The following CRYBG1 variants were observed in gnomAD, a reference collection of about 807,000 sequenced individuals.
CRYBG1 encodes crystallin beta-gamma domain containing 1.
CRYBG1 carries 139 observed loss-of-function variants against 189.2 expected under a neutral mutation model. The ratio of observed to expected loss-of-function variants is 0.73; its 90% CI spans 0.64 to 0.85. The LOEUF (loss-of-function observed/expected upper bound fraction) is 0.85. Among genes scored for constraint, CRYBG1 ranks in the 40% least tolerant of loss-of-function variants. The probability of loss-of-function intolerance (pLI) is 0.00; values close to 1 mark genes in which losing one functional copy is unlikely to be tolerated. For missense variants in CRYBG1, 2,611 were observed against 2,675.8 expected, an observed-to-expected ratio of 0.98 and a Z score of 0.53; for synonymous variants, 1,023 against 1,017.1, an observed-to-expected ratio of 1.01 and a Z score of -0.11.
At chr6:106,363,752 A>C (rs1771925900) in intron 1 of CRYBG1, among the ~76,000 whole-genome samples, 2 of 152,312 alleles carry the variant, frequency 1.3e-5, no homozygotes, top group South Asian at 4.1e-4. Context: ...TGGGCAAGTT[A>C]TTTCACCTCT....
At chr6:106,362,888 T>C (rs1248369545) in intron 1 of CRYBG1, among the ~76,000 whole-genome samples, 1 of 152,120 alleles carries the variant, frequency 6.6e-6, no homozygotes, top group Non-Finnish European at 1.5e-5. Flanking sequence ...TTACTGTCTA[T>C]CAAAACATAA....
rs771487883 is a variant in CRYBG1, at chr6:106,511,543, C to T, written c.426C>T (p.Thr142=). The stretch of plus-strand genomic sequence containing the variant: ...GTAGAAACGGGTTAGAGAGTCCCAC[C>T]AGATCAAATGCCAAACCACTCTCTC... ...RNSRNGLESP[T]RSNAKPLSPK... Residue 142 remains threonine (T), a synonymous_variant, in exon 3 of 22, where the codon ACC becomes ACT. Coordinates refer to ENST00000633556, the MANE Select transcript of CRYBG1 (RefSeq NM_001371242.2). 47 of 1,535,650 alleles carry T rather than the reference C, an allele frequency of 3.1e-5. No homozygotes were observed. In the South Asian group the frequency reaches 5.5e-4, roughly 18 times the overall value.
intron 1 of CRYBG1, among the ~76,000 whole-genome samples, chr6:106,409,167 T>A (rs11758088): frequency 0.081 from 12,311 of 152,310 alleles, 638 homozygotes; most frequent in East Asian, 0.15. Context: ...ATAAACAACT[T>A]CAGCAAAGTC....
intron 3 of CRYBG1, among the ~76,000 whole-genome samples, chr6:106,517,369 T>TATATAC (rs201028837): frequency 8.5e-6 from 1 of 117,608 alleles, no homozygotes; most frequent in African/African-American, 3.0e-5. Context: ...TACACATATA[T>TATATAC]ACACACACAC....
chr6:106,553,503 G>A lies in CRYBG1; in HGVS notation c.5521G>A (p.Glu1841Lys). The change falls in exon 16 of 22, where the codon GAA (glutamate) becomes AAA (lysine). Residue 1841 changes from glutamate (E) to lysine (K), a missense_variant. This residue lies in a region of CRYBG1 where 1,622 missense variants were observed against 1,735.0 expected (regional missense o/e 0.93). Transcript: ENST00000633556. The stretch of plus-strand genomic sequence containing the variant: ...GTTTCAAGGTCACAGTCAAAGTTTT[G>A]AAGAAACAACAAGTCAAATTGATGA... Reference protein sequence around the residue: ...PQFQGHSQSFEETTSQIDDSF... With the variant: ...PQFQGHSQSFKETTSQIDDSF... 6.2e-7 allele frequency: 1 copy of A among 1,614,040 alleles called. No individual in the cohort carries two copies. Among genetic ancestry groups the A allele is most frequent in the Non-Finnish European group, 8.5e-7 (1 of 1,179,930 alleles).
chr6:106,379,283 A>G lies in CRYBG1; in HGVS notation c.173+18202A>G, dbSNP rs142444540. On this transcript the variant is annotated intron_variant, in intron 1 of 21. Coordinates refer to ENST00000633556, the MANE Select transcript of CRYBG1 (RefSeq NM_001371242.2). ...CTTTTCTTTTCTTTTTTTTTTCGAG[A>G]CAGAGTCTCTCTCTGTTGCCCAGGC... Among the ~76,000 whole-genome samples, 677 of 150,466 alleles carry G rather than the reference A, an allele frequency of 4.5e-3. 6 individuals are homozygous for G. The highest frequency in any genetic ancestry group is 0.016 in the African/African-American group (646 of 41,016).
chr6:106,567,942 CG>C (rs1399146136), intron 21 of CRYBG1, among the ~76,000 whole-genome samples: 1 of 152,132 alleles, frequency 6.6e-6, no homozygotes, highest in Non-Finnish European at 1.5e-5. Flanking sequence ...TATGTACTTC[CG>C]GGTGTCATCC....
chr6:106,527,661 T>G (rs11153000), intron 7 of CRYBG1, among the ~76,000 whole-genome samples, 191 bp downstream of exon 7: 34,174 of 152,138 alleles, frequency 0.22, 4,406 homozygotes, highest in East Asian at 0.47. Context: ...TAGATAATTT[T>G]TCACAATAAA....
rs371392141 is a variant in CRYBG1 at position 106,548,693 on chromosome 6, G to A, written c.5313-3159G>A. ...TGTGGCTCTACTTCTTTAATTGTTC[G>A]TTGTTTTTTTAAAGTCCTAGTGTTT... On this transcript the variant is annotated intron_variant, in intron 13 of 21. Transcript: ENST00000633556. Among the ~76,000 whole-genome samples the A allele has an allele frequency of 2.1e-4, 31 of 151,170 alleles. No homozygotes were observed. In the South Asian group the frequency reaches 4.2e-3, roughly 20 times the overall value.
At chr6:106,471,398 A>G (rs1011047209) in intron 2 of CRYBG1, among the ~76,000 whole-genome samples, 1 of 152,200 alleles carries the variant, frequency 6.6e-6, no homozygotes, top group African/African-American at 2.4e-5. Flanking sequence ...TCTTCTTTGC[A>G]AGCATTTCAG....
At chr6:106,416,071 C>G (rs1044916816) in intron 1 of CRYBG1, among the ~76,000 whole-genome samples, 1 of 152,172 alleles carries the variant, frequency 6.6e-6, no homozygotes, top group Non-Finnish European at 1.5e-5. Flanking sequence ...CTGTTCCCCC[C>G]ACCCAAGACT....
intron 3 of CRYBG1, among the ~76,000 whole-genome samples, 155 bp downstream of exon 3, chr6:106,513,194 A>C (rs1773340298): frequency 6.6e-6 from 1 of 152,216 alleles, no homozygotes; most frequent in Non-Finnish European, 1.5e-5. Context: ...GCCAGTTTAC[A>C]CAGTCAAGAT....
chr6:106,534,024 A>G (rs1773934204), intron 8 of CRYBG1, among the ~76,000 whole-genome samples: 1 of 152,224 alleles, frequency 6.6e-6, no homozygotes, highest in Non-Finnish European at 1.5e-5. Context: ...AAATGCCTTC[A>G]TCTCTTGCTG....
chr6:106,514,375 T>C (rs1348783781), intron 3 of CRYBG1, among the ~76,000 whole-genome samples: 2 of 152,228 alleles, frequency 1.3e-5, no homozygotes, highest in African/African-American at 4.8e-5. Context: ...TTCATTCTAT[T>C]TGATTTCTTG....
intron 16 of CRYBG1, among the ~76,000 whole-genome samples, chr6:106,555,520 G>C (rs1774514599): frequency 6.6e-6 from 1 of 152,138 alleles, no homozygotes; most frequent in East Asian, 1.9e-4. Context: ...CTGGAGGCTG[G>C]GGAAGTCAGA....
intron 2 of CRYBG1, among the ~76,000 whole-genome samples, chr6:106,464,982 A>G (rs1446809522): frequency 6.6e-6 from 1 of 152,232 alleles, no homozygotes; most frequent in Non-Finnish European, 1.5e-5. Context: ...GGCAATAGTA[A>G]TCCAGTAAGT....
intron 1 of CRYBG1, among the ~76,000 whole-genome samples, chr6:106,363,921 G>GTCATCATCA (rs569724801): frequency 6.6e-6 from 1 of 151,786 alleles, no homozygotes; most frequent in Admixed American, 6.6e-5. Flanking sequence ...AAGCATCCTG[G>GTCATCATCA]TCATCATCAT....
At chr6:106,566,628 C>T (rs1385268368) in intron 21 of CRYBG1, among the ~76,000 whole-genome samples, 3 of 151,894 alleles carry the variant, frequency 2.0e-5, no homozygotes, top group Non-Finnish European at 4.4e-5. Flanking sequence ...CCTGCCACCA[C>T]GCCCGGCTAG....
At chr6:106,547,533 A>C (rs1676027) in intron 13 of CRYBG1, among the ~76,000 whole-genome samples, 4,899 of 152,280 alleles carry the variant, frequency 0.032, 251 homozygotes, top group African/African-American at 0.11. Flanking sequence ...GGCTGAGATG[A>C]GCCAAGATGA....
Sources: gnomAD v4.1 joint callset for allele counts (sites outside exome capture counted in the v4.1 genomes callset) on GRCh38, gnomAD v4.1.1 for gene constraint, gnomAD v4.1.1 regional missense constraint, MANE v1.5 for transcripts, NCBI Gene and HGNC (gene_info 2026-07-23, HGNC 2026-07-21) for gene names.